The following KIF5C variants were observed in gnomAD, a reference collection of about 807,000 sequenced individuals.
KIF5C encodes kinesin family member 5C, also known as kinesin heavy chain isoform 5C.
Under a neutral mutation model 125.2 loss-of-function variants are expected in KIF5C, and 18 were observed. That is an observed-to-expected ratio of 0.14 (90% confidence interval 0.10 to 0.21). The LOEUF (loss-of-function observed/expected upper bound fraction) is 0.21. Ranked by LOEUF, KIF5C falls within the 10% of genes least tolerant of loss-of-function variation. The pLI, the probability that KIF5C is intolerant of heterozygous loss-of-function variation, is 1.00. For missense variants in KIF5C, 780 were observed against 1,183.8 expected (o/e 0.66, Z 5.01); for synonymous variants, 405 against 434.0 (o/e 0.93, Z 0.83).
At chr2:148,888,393 C>T (rs1681611644) in intron 1 of KIF5C, 2 of 152,240 alleles carry the variant, frequency 1.3e-5, no homozygotes, top group Non-Finnish European at 2.9e-5. Flanking sequence ...CTCTGCCCCG[C>T]AGGACAAAAG....
In KIF5C at chr2:148,962,015, C is replaced by T; in HGVS notation, c.1013C>T (p.Thr338Ile). 1 of 1,613,620 alleles carries T rather than the reference C, an allele frequency of 6.2e-7. No individual in the cohort carries two copies. The highest frequency in any genetic ancestry group is 8.5e-7 in the Non-Finnish European group (1 of 1,179,826). Residue 338 changes from threonine to isoleucine, a missense_variant, in exon 11 of 26, where the codon ACA becomes ATA. By Grantham distance (89) the Thr-to-Ile change is moderately conservative. Coordinates refer to ENST00000435030, the MANE Select transcript of KIF5C (RefSeq NM_004522.3). Reference sequence around the variant, plus strand: ...ACAGTCTCTGTGAACCTAGAACTGACAGCAGAAGAATGGAAGAAGAAATAT... The same window carrying T: ...ACAGTCTCTGTGAACCTAGAACTGATAGCAGAAGAATGGAAGAAGAAATAT... ...KNTVSVNLEL[T>I]AEEWKKKYEK...
chr2:149,022,617 G>C (rs756840766), intron 25 of KIF5C, among the ~76,000 whole-genome samples: 1 of 152,048 alleles, frequency 6.6e-6, no homozygotes, highest in African/African-American at 2.4e-5. Context: ...AGCCACTAGA[G>C]AATTTAAAAT....
At chr2:148,997,223 C>A in intron 17 of KIF5C, 41 bp from the exon 18 acceptor site, 1 of 1,590,514 alleles carries the variant, frequency 6.3e-7, no homozygotes, top group Non-Finnish European at 8.6e-7. Flanking sequence ...GTGTGAGTCC[C>A]ACCAGTTAAG....
At chr2:148,909,496 G>C (rs567443047) in intron 1 of KIF5C, among the ~76,000 whole-genome samples, 1 of 152,224 alleles carries the variant, frequency 6.6e-6, no homozygotes, top group Non-Finnish European at 1.5e-5. Context: ...GCTCATCCCT[G>C]CTGGGTTCCC....
At chr2:148,942,826 G>A (rs138497089) in intron 7 of KIF5C, 66 bp downstream of exon 7, 3 of 1,562,710 alleles carry the variant, frequency 1.9e-6, no homozygotes, top group Non-Finnish European at 8.7e-7. Flanking sequence ...ACCAACCGAG[G>A]GGGGTGGGGA....
At chr2:148,945,642 G>A (rs1682504218) in intron 7 of KIF5C, among the ~76,000 whole-genome samples, 1 of 151,958 alleles carries the variant, frequency 6.6e-6, no homozygotes, top group African/African-American at 2.4e-5. Flanking sequence ...TGAGGTTTTG[G>A]TGCACCTATC....
At chr2:148,940,939 G>A (rs1161065898) in intron 4 of KIF5C, among the ~76,000 whole-genome samples, 2 of 152,180 alleles carry the variant, frequency 1.3e-5, no homozygotes, top group African/African-American at 4.8e-5. Context: ...TCTGGGATTC[G>A]GATTCAGCAG....
In KIF5C at chr2:148,941,994, T is replaced by G. The variant is rs572195275; in HGVS notation, c.501+4T>G. 55 of 1,610,306 alleles carry G rather than the reference T, an allele frequency of 3.4e-5. No homozygotes were observed. Among genetic ancestry groups the G allele is most frequent in the Admixed American group, 1.9e-4 (11 of 59,234 alleles). ...AAACAGAGTCCCGTATGTAAAGGTA[T>G]GAGGAAGATTTGATTGGTGATGCAA... On this transcript the variant is annotated splice_donor_region_variant and intron_variant, in intron 6 of 25. Transcript: ENST00000435030.
At chr2:148,933,801 A>G (rs1047479336) in intron 3 of KIF5C, among the ~76,000 whole-genome samples, 1 of 148,626 alleles carries the variant, frequency 6.7e-6, no homozygotes, top group African/African-American at 2.5e-5. Flanking sequence ...CCCCATATAC[A>G]TGATACACAC....
At chr2:148,975,724 G>C (rs1353322757) in intron 12 of KIF5C, among the ~76,000 whole-genome samples, 1 of 152,118 alleles carries the variant, frequency 6.6e-6, no homozygotes, top group African/African-American at 2.4e-5. Flanking sequence ...AGCATGCACT[G>C]TGGACTCAGA....
rs1211042209 is a variant in KIF5C, at chr2:148,998,519, C to T, written c.2210+10C>T. 6.4e-7 allele frequency: 1 copy of T among 1,552,596 alleles called. No individual in the cohort carries two copies. The stretch of plus-strand genomic sequence containing the variant: ...TTGATGAGATTCGGGAGTGAGTCGG[C>T]CCAGGGCACCAGGGGTGTGGGGGTG... On this transcript the variant is annotated intron_variant, in intron 19 of 25. Transcript: ENST00000435030.
At chr2:148,934,453 T>C (rs574740125) in intron 3 of KIF5C, among the ~76,000 whole-genome samples, 1 of 145,572 alleles carries the variant, frequency 6.9e-6, no homozygotes, top group East Asian at 2.1e-4. Context: ...ACCCCCTACA[T>C]ACACACACAC....
At position 148,904,792 on chromosome 2, in the gene KIF5C, ACTCTAGTAT is replaced by A. The variant is rs1167223822; in HGVS notation, c.127-17344_127-17336del. On this transcript the variant is annotated intron_variant, in intron 1 of 25. Transcript: ENST00000435030. ...GAGAGTCACAGAGGAAGGAGAACTA[ACTCTAGTAT>A]TTAGTAGGAAAATTATCTTTGTAGT... Among the ~76,000 whole-genome samples the A allele has an allele frequency of 7.2e-5, 11 of 152,220 alleles. No individual in the cohort carries two copies. The East Asian group carries it at 1.9e-3, about 27-fold the overall frequency.
rs372808261 is a variant in KIF5C at position 148,885,281 on chromosome 2, C to T, written c.126+9538C>T. On this transcript the variant is annotated intron_variant, in intron 1 of 25. Transcript: ENST00000435030. ...GATTATAGGCGTGAGCCACCGTGCC[C>T]GGCCCAGTCATATCCCAATTATCCT... Among the ~76,000 whole-genome samples, 232 of 152,260 alleles carry T rather than the reference C, an allele frequency of 1.5e-3. 2 individuals carry two copies. Among genetic ancestry groups the T allele is most frequent in the South Asian group, 3.5e-3 (17 of 4,820 alleles).
intron 1 of KIF5C, chr2:148,888,211 G>T (rs957463064): frequency 6.6e-6 from 1 of 152,252 alleles, no homozygotes; most frequent in Non-Finnish European, 1.5e-5. Flanking sequence ...GCGGCTCCTC[G>T]GGGGTCGCCT....
intron 1 of KIF5C, among the ~76,000 whole-genome samples, chr2:148,914,309 A>G (rs1681459244): frequency 6.6e-6 from 1 of 152,240 alleles, no homozygotes; most frequent in South Asian, 2.1e-4. Context: ...TGAAAATCAC[A>G]TACACATAAG....
Position 149,000,706 on chromosome 2 carries a change from C to A in KIF5C, c.2313-16C>A. 6.2e-7 allele frequency: 1 copy of A among 1,613,512 alleles called. No homozygotes were observed. Among genetic ancestry groups the A allele is most frequent in the Non-Finnish European group, 8.5e-7 (1 of 1,179,762 alleles). On this transcript the variant is annotated splice_polypyrimidine_tract_variant and intron_variant, in intron 20 of 25. Coordinates refer to ENST00000435030, the MANE Select transcript of KIF5C (RefSeq NM_004522.3). ...GAGTCCCCTGTGGTGGTCTATGGTTCCTTTTTGTTTTTCAGATTGCTCAAC... is the reference window on the plus strand; with the variant it reads ...GAGTCCCCTGTGGTGGTCTATGGTTACTTTTTGTTTTTCAGATTGCTCAAC...
intron 21 of KIF5C, among the ~76,000 whole-genome samples, chr2:149,002,290 G>A (rs112438839): frequency 0.024 from 3,653 of 152,168 alleles, 136 homozygotes; most frequent in African/African-American, 0.077. Flanking sequence ...TCACCCTACT[G>A]TCCCTAGCCA....
At chr2:148,978,798 C>A in intron 12 of KIF5C, 124 bp from the exon 13 acceptor site, 1 of 1,285,642 alleles carries the variant, frequency 7.8e-7, no homozygotes, top group Non-Finnish European at 1.0e-6. Context: ...GTTTTCTGTG[C>A]AGTAACACCA....
Sources: gnomAD v4.1 joint callset for allele counts (sites outside exome capture counted in the v4.1 genomes callset) on GRCh38, gnomAD v4.1.1 for gene constraint, MANE v1.5 for transcripts, NCBI Gene and HGNC (gene_info 2026-07-23, HGNC 2026-07-21) for gene names.